The following LAMA4 variants were observed in gnomAD, a reference collection of about 807,000 sequenced individuals.
The protein encoded by LAMA4 is laminin subunit alpha 4, also known as laminin subunit alpha-4.
In LAMA4, 127 loss-of-function variants were observed where a neutral mutation model predicts 207.1. The observed-to-expected ratio is 0.61, with a 90% confidence interval of 0.53 to 0.71. The LOEUF (loss-of-function observed/expected upper bound fraction) is 0.71. Among genes scored for constraint, LAMA4 ranks in the 30% least tolerant of loss-of-function variants. The pLI is 0.00. For missense variants in LAMA4, 2,093 were observed against 2,246.5 expected (o/e 0.93, Z 1.38); for synonymous variants, 761 against 816.0 (o/e 0.93, Z 1.15).
chr6:112,203,834 A>G (rs1381690621), intron 4 of LAMA4, among the ~76,000 whole-genome samples: 1 of 152,182 alleles, frequency 6.6e-6, no homozygotes, highest in Admixed American at 6.5e-5. Flanking sequence ...AATCTGTACT[A>G]TTAGAGACTT....
At chr6:112,220,526 G>A (rs573886032) in intron 2 of LAMA4, among the ~76,000 whole-genome samples, 30 of 152,220 alleles carry the variant, frequency 2.0e-4, no homozygotes, top group Non-Finnish European at 3.2e-4. Context: ...GACAGGACAT[G>A]TTGTTATCAC....
At chr6:112,204,789 T>G (rs968609001) in intron 4 of LAMA4, among the ~76,000 whole-genome samples, 2 of 152,214 alleles carry the variant, frequency 1.3e-5, no homozygotes, top group Non-Finnish European at 2.9e-5. Flanking sequence ...CTACCCTCAC[T>G]GTGAGTACCA....
chr6:112,239,180 G>A (rs1471289363), intron 2 of LAMA4, among the ~76,000 whole-genome samples: 3 of 151,982 alleles, frequency 2.0e-5, no homozygotes, highest in African/African-American at 7.3e-5. Flanking sequence ...AATTAGCTGG[G>A]TGTGGTGGCA....
rs782229172 is a variant in LAMA4, at chr6:112,191,655, C to T, written c.699G>A (p.Arg233=). The part of the protein sequence containing the change: ...RCAPGYYGDA[R]IAKNCAVCNC... ...CTGCACCTGCACAGTTCTTGGCTAT[C>T]CTGGCGTCCCCATAGTAGCCAGGAG... The change falls in exon 6 of 39, where the codon AGG becomes AGA. Residue 233 remains arginine, a synonymous_variant. Transcript: ENST00000230538. 1 of 1,613,928 alleles carries T rather than the reference C, an allele frequency of 6.2e-7. No homozygotes were observed. The highest frequency in any genetic ancestry group is 8.5e-7 in the Non-Finnish European group (1 of 1,179,870).
At chr6:112,141,997 C>T in intron 20 of LAMA4, 122 bp downstream of exon 20, 1 of 926,508 alleles carries the variant, frequency 1.1e-6, no homozygotes, top group Non-Finnish European at 1.7e-6. Context: ...AAAATGAGAT[C>T]TTCTGAGTTA....
intron 12 of LAMA4, among the ~76,000 whole-genome samples, chr6:112,165,830 C>T (rs1263761277): frequency 1.3e-5 from 2 of 152,162 alleles, no homozygotes; most frequent in Non-Finnish European, 2.9e-5. Flanking sequence ...TGTAAATGCT[C>T]AGATGTTTTG....
intron 38 of LAMA4, 71 bp downstream of exon 38, chr6:112,114,004 CA>C (rs1554322301): frequency 2.6e-6 from 4 of 1,565,692 alleles, no homozygotes; most frequent in Non-Finnish European, 3.5e-6. Flanking sequence ...ACACATGGCT[CA>C]ATTCTACAAT....
chr6:112,165,364 T>C, intron 12 of LAMA4, 88 bp from the exon 13 acceptor site: 1 of 887,398 alleles, frequency 1.1e-6, no homozygotes. Context: ...CTTGCTCTCT[T>C]TGGACTCAGA....
rs782110284 is a variant in LAMA4, at chr6:112,187,470, C to T, written c.946G>A (p.Ala316Thr). Residue 316 changes from alanine (A) to threonine (T), a missense_variant, in exon 8 of 39, where the codon GCC becomes ACC. Ala to Thr is a moderately conservative substitution (Grantham distance 58). Around this residue, in one of 3 missense-constraint regions of LAMA4, gnomAD observed 1,704 missense variants for 1,788.4 expected, o/e 0.95. Coordinates refer to ENST00000230538, the MANE Select transcript of LAMA4 (RefSeq NM_001105206.3). ...AAHRHVNEINATIYLLKTKLS... is the reference protein window; with the variant it reads ...AAHRHVNEINTTIYLLKTKLS... Reference sequence around the variant, plus strand: ...CGTACTTTGAGGAGGTAGATGGTGGCGTTGATTTCATTCACGTGCCTATGA... The same window carrying T: ...CGTACTTTGAGGAGGTAGATGGTGGTGTTGATTTCATTCACGTGCCTATGA... The T allele has an allele frequency of 1.2e-6, 2 of 1,614,026 alleles. No homozygotes were observed. Among genetic ancestry groups the T allele is most frequent in the East Asian group, 2.2e-5 (1 of 44,846 alleles).
Position 112,121,635 on chromosome 6 carries a change from T to C in LAMA4, c.4475+379A>G, listed in dbSNP as rs587729980. 4.4e-5 allele frequency: 12 copies of C among 271,710 alleles called. No homozygotes were observed. The East Asian group carries it at 1.1e-3, about 25-fold the overall frequency. The allele number at this position is 271,710 out of a possible 1,614,324, so 16.8% of individuals were successfully genotyped here. A position where few individuals can be genotyped will look rare whatever the true frequency, so the allele number is the denominator to read the frequency against. Reference sequence around the variant, plus strand: ...TTGTATTTTCAATGCCTTTCCTTATTAACCTTTTAGCAGTTCAAATGCACT... The same window carrying C: ...TTGTATTTTCAATGCCTTTCCTTATCAACCTTTTAGCAGTTCAAATGCACT... On this transcript the variant is annotated intron_variant, in intron 32 of 38. Coordinates refer to ENST00000230538, the MANE Select transcript of LAMA4 (RefSeq NM_001105206.3).
rs75058449 is a variant in LAMA4, at chr6:112,201,698, G to A, written c.423-10C>T. On this transcript the variant is annotated splice_polypyrimidine_tract_variant and intron_variant, in intron 4 of 38. Transcript: ENST00000230538. The stretch of plus-strand genomic sequence containing the variant: ...GCAGGATTCTGCAAAACTAAAATTG[G>A]AAGCAAATATTGGAAGTCAATTCCA... 2.7e-3 allele frequency: 4,365 copies of A among 1,611,470 alleles called. 117 individuals carry two copies. In the African/African-American group the frequency reaches 0.054, roughly 20 times the overall value.
Position 112,142,259 on chromosome 6 carries a change from C to G in LAMA4, c.2527G>C (p.Ala843Pro), listed in dbSNP as rs536755553. 62 of 1,614,142 alleles carry G rather than the reference C, an allele frequency of 3.8e-5. No homozygotes were observed. The highest frequency in any genetic ancestry group is 5.3e-5 in the Non-Finnish European group (62 of 1,180,006). The change falls in exon 20 of 39, where the codon GCT becomes CCT. Residue 843 changes from alanine to proline, a missense_variant. By Grantham distance (27) the Ala-to-Pro change is conservative (BLOSUM62 -1). Around this residue, in one of 3 missense-constraint regions of LAMA4, gnomAD observed 1,704 missense variants for 1,788.4 expected, o/e 0.95. Transcript: ENST00000230538. ...CTGGTTCTCGAGTGCACTTCCACAG[C>G]TGACTGGCCATCAAACATCATGGAG... ...QVSMMFDGQS[A>P]VEVHSRTSMD... is the part of the protein sequence containing the mutation.
chr6:112,190,338 G>C (rs1782942524), intron 6 of LAMA4, among the ~76,000 whole-genome samples: 1 of 152,156 alleles, frequency 6.6e-6, no homozygotes, highest in Non-Finnish European at 1.5e-5. Context: ...TCAGTGTTAT[G>C]CCTCTATGCA....
chr6:112,215,614 T>C (rs1035813393), intron 3 of LAMA4, among the ~76,000 whole-genome samples: 4 of 152,232 alleles, frequency 2.6e-5, no homozygotes, highest in Non-Finnish European at 5.9e-5. Flanking sequence ...GCATAAGTTC[T>C]TATAAATGCC....
rs1778209458 is a variant in LAMA4 at position 112,119,311 on chromosome 6, C to T, written c.4666G>A (p.Val1556Met). 6.2e-7 allele frequency: 1 copy of T among 1,613,528 alleles called. No homozygotes were observed. The highest frequency in any genetic ancestry group is 1.7e-5 in the Admixed American group (1 of 59,982). ...CTGCTCCTTTCTCGAATAAATATCACCTGGATGAAGAGAAGGACAATAGCA... is the reference window on the plus strand; with the variant it reads ...CTGCTCCTTTCTCGAATAAATATCATCTGGATGAAGAGAAGGACAATAGCA... ...EKYNDGLWHDVIFIRERSSGR... is the reference protein window; with the variant it reads ...EKYNDGLWHDMIFIRERSSGR... Residue 1556 changes from valine (V) to methionine (M), a missense_variant and splice_region_variant, in exon 34 of 39, where the codon GTG becomes ATG. Val to Met is a conservative substitution (Grantham distance 21). Around this residue, in one of 3 missense-constraint regions of LAMA4, gnomAD observed 383 missense variants for 437.8 expected, o/e 0.87. Coordinates refer to ENST00000230538, the MANE Select transcript of LAMA4 (RefSeq NM_001105206.3).
chr6:112,205,051 G>A (rs1204512693), intron 4 of LAMA4, among the ~76,000 whole-genome samples: 1 of 152,196 alleles, frequency 6.6e-6, no homozygotes, highest in Non-Finnish European at 1.5e-5. Context: ...ATCAGTAAGT[G>A]TGTGAGTATG....
At chr6:112,136,406 C>A in intron 24 of LAMA4, 152 bp from the exon 25 acceptor site, 1 of 709,688 alleles carries the variant, frequency 1.4e-6, no homozygotes, top group Admixed American at 2.2e-5. Flanking sequence ...ATAAAAGTGA[C>A]AGTGTCTGGG....
chr6:112,124,584 C>T lies in LAMA4; in HGVS notation c.4288-2383G>A, dbSNP rs141938924. ...GTGTATGGTGATTCTCAATGAACTC[C>T]ACTAGACTTTGGCTTTATCAGTGTA... is the stretch of plus-strand genomic sequence containing the variant. On this transcript the variant is annotated intron_variant, in intron 31 of 38. Transcript: ENST00000230538. Among the ~76,000 whole-genome samples the T allele has an allele frequency of 2.3e-3, 348 of 152,108 alleles. 2 individuals are homozygous for T. Among genetic ancestry groups the T allele is most frequent in the African/African-American group, 8.2e-3 (338 of 41,468 alleles).
intron 5 of LAMA4, among the ~76,000 whole-genome samples, chr6:112,201,235 T>A (rs1583874816): frequency 6.6e-6 from 1 of 152,336 alleles, no homozygotes; most frequent in East Asian, 1.9e-4. Context: ...TTTTATTTAC[T>A]GAGGAAACCT....
Sources: gnomAD v4.1 joint callset for allele counts (sites outside exome capture counted in the v4.1 genomes callset) on GRCh38, gnomAD v4.1.1 for gene constraint, gnomAD v4.1.1 regional missense constraint, MANE v1.5 for transcripts, NCBI Gene and HGNC (gene_info 2026-07-23, HGNC 2026-07-21) for gene names.